Variants in CNTNAP5 observed in about 807,000 individuals in gnomAD.
CNTNAP5 encodes the protein contactin associated protein family member 5, also known as contactin-associated protein-like 5.
CNTNAP5 carries 72 observed loss-of-function variants against 150.2 expected under a neutral mutation model. That is an observed-to-expected ratio of 0.48 (90% CI 0.40 to 0.58). CNTNAP5 has a LOEUF of 0.58. Among genes scored for constraint, CNTNAP5 ranks in the 20% least tolerant of loss-of-function variants. CNTNAP5 has a pLI of 0.00. For synonymous variants in CNTNAP5, 672 were observed against 619.8 expected, an observed-to-expected ratio of 1.08 and a Z score of -1.25; for missense variants, 1,636 against 1,626.2, an observed-to-expected ratio of 1.01 and a Z score of -0.10.
At chr2:124,664,831 C>A (rs566244115) in intron 13 of CNTNAP5, among the ~76,000 whole-genome samples, 1 of 152,188 alleles carries the variant, frequency 6.6e-6, no homozygotes, top group Non-Finnish European at 1.5e-5. Context: ...GGATTACAGG[C>A]ATGTGCCACC....
intron 12 of CNTNAP5, among the ~76,000 whole-genome samples, chr2:124,646,076 AATATCCAAACC>A (rs565337427): frequency 3.1e-4 from 47 of 152,360 alleles, no homozygotes; most frequent in African/African-American, 1.1e-3. Context: ...GGCAGGGACA[AATATCCAAACC>A]ATATCATGCT....
chr2:124,849,520 CTTT>C (rs1683113586), intron 19 of CNTNAP5, among the ~76,000 whole-genome samples: 1 of 152,056 alleles, frequency 6.6e-6, no homozygotes, highest in Admixed American at 6.6e-5. Context: ...TATTTGGGAT[CTTT>C]TTTGATTCCA....
intron 19 of CNTNAP5, among the ~76,000 whole-genome samples, chr2:124,830,620 C>CAGGAAATTTAGT (rs1682694396): frequency 6.6e-6 from 1 of 151,858 alleles, no homozygotes; most frequent in Non-Finnish European, 1.5e-5. Flanking sequence ...CTTTTAGTAA[C>CAGGAAATTTAGT]AATATAGGAA....
At chr2:124,837,038 G>A (rs1682844057) in intron 19 of CNTNAP5, among the ~76,000 whole-genome samples, 1 of 151,988 alleles carries the variant, frequency 6.6e-6, no homozygotes, top group South Asian at 2.1e-4. Flanking sequence ...CCTGTGAGAG[G>A]GGATCGTGAA....
rs144715473 is a variant in CNTNAP5 at position 124,656,108 on chromosome 2, G to A, written c.2077+8150G>A. ...GTCACTGCCACTAGCCCACATTCCA[G>A]GGGAGGGAAATCTGCTTCTATCTTC... is the stretch of plus-strand genomic sequence containing the variant. On this transcript the variant is annotated intron_variant, in intron 13 of 23. Coordinates refer to ENST00000682447, the MANE Select transcript of CNTNAP5 (RefSeq NM_001367498.1). Among the ~76,000 whole-genome samples the A allele has an allele frequency of 2.0e-4, 30 of 150,786 alleles. No individual in the cohort carries two copies. The East Asian group carries it at 5.3e-3, about 27-fold the overall frequency.
chr2:124,771,317 C>T (rs1681186639), intron 16 of CNTNAP5, among the ~76,000 whole-genome samples: 1 of 152,116 alleles, frequency 6.6e-6, no homozygotes, highest in African/African-American at 2.4e-5. Context: ...TCCTCATCCT[C>T]AATTTGTAAA....
At chr2:124,452,015 A>G (rs1237090032) in intron 6 of CNTNAP5, among the ~76,000 whole-genome samples, 1 of 152,058 alleles carries the variant, frequency 6.6e-6, no homozygotes, top group African/African-American at 2.4e-5. Context: ...CTTCGTAACA[A>G]TTTGAACCCA....
At chr2:124,076,868 G>T (rs1348440215) in intron 1 of CNTNAP5, among the ~76,000 whole-genome samples, 1 of 151,960 alleles carries the variant, frequency 6.6e-6, no homozygotes, top group Non-Finnish European at 1.5e-5. Context: ...TAATATAAAA[G>T]CAATCAGCCC....
chr2:124,166,309 TA>T (rs1410346331), intron 1 of CNTNAP5, among the ~76,000 whole-genome samples: 1 of 152,198 alleles, frequency 6.6e-6, no homozygotes, highest in Non-Finnish European at 1.5e-5. Context: ...TGGGAGATTT[TA>T]TAATAATAAT....
intron 2 of CNTNAP5, among the ~76,000 whole-genome samples, chr2:124,234,440 A>C (rs571423674): frequency 1.2e-4 from 18 of 152,354 alleles, no homozygotes; most frequent in African/African-American, 3.8e-4. Flanking sequence ...GTGACTAAGA[A>C]ATTCAATTTT....
At chr2:124,258,505 T>G (rs1687369453) in intron 3 of CNTNAP5, among the ~76,000 whole-genome samples, 1 of 152,160 alleles carries the variant, frequency 6.6e-6, no homozygotes, top group Non-Finnish European at 1.5e-5. Context: ...CCAATGGGTG[T>G]CTCAGACATA....
chr2:124,616,846 T>A (rs2104991671), intron 12 of CNTNAP5, among the ~76,000 whole-genome samples: 1 of 152,240 alleles, frequency 6.6e-6, no homozygotes, highest in Admixed American at 6.5e-5. Flanking sequence ...ACAGAAATCA[T>A]TGGCCAGTAG....
intron 13 of CNTNAP5, among the ~76,000 whole-genome samples, chr2:124,708,689 T>C (rs1679745070): frequency 6.6e-6 from 1 of 152,170 alleles, no homozygotes; most frequent in South Asian, 2.1e-4. Context: ...AAGAGTTTCC[T>C]TGCTACTACC....
chr2:124,768,307 G>GTGTGTGTGTA (rs761983407), intron 16 of CNTNAP5, among the ~76,000 whole-genome samples: 7,875 of 144,546 alleles, frequency 0.054, 343 homozygotes, highest in Middle Eastern at 0.063. Flanking sequence ...GTGTGTGTGT[G>GTGTGTGTGTA]TGTATATGTA....
rs144357068 is a variant in CNTNAP5, at chr2:124,899,321, T to C, written c.3437-3561T>C. ...TGAAGAAACATGGAAACAGATATCA[T>C]ATGGGCAAGTTCATGATTCATCAAC... On this transcript the variant is annotated intron_variant, in intron 21 of 23. Transcript: ENST00000682447. 7.3e-5 allele frequency among the ~76,000 whole-genome samples: 11 copies of C among 151,602 alleles called. No individual in the cohort carries two copies. The East Asian group carries it at 2.1e-3, about 29-fold the overall frequency.
intron 1 of CNTNAP5, among the ~76,000 whole-genome samples, chr2:124,034,441 G>T (rs1484893686): frequency 1.3e-5 from 2 of 152,150 alleles, no homozygotes; most frequent in East Asian, 3.9e-4. Flanking sequence ...ATACAAATTT[G>T]TTCTCATTTT....
chr2:124,754,665 G>A (rs1680799766), intron 14 of CNTNAP5, among the ~76,000 whole-genome samples: 3 of 152,048 alleles, frequency 2.0e-5, no homozygotes, highest in African/African-American at 7.2e-5. Context: ...TTATGCTAAT[G>A]TTCCCATGAC....
At chr2:124,528,821 A>T (rs1320578148) in intron 10 of CNTNAP5, among the ~76,000 whole-genome samples, 1 of 152,104 alleles carries the variant, frequency 6.6e-6, no homozygotes, top group African/African-American at 2.4e-5. Flanking sequence ...AGAAAGGTGG[A>T]TTGGAAGAGA....
rs747665908 is a variant in CNTNAP5 at position 124,504,374 on chromosome 2, C to T, written c.1145C>T (p.Pro382Leu). 9.3e-6 allele frequency: 15 copies of T among 1,613,794 alleles called. No homozygotes were observed. The highest frequency in any genetic ancestry group is 1.7e-5 in the Admixed American group (1 of 59,982). Reference sequence around the variant, plus strand: ...TCCAGCGGCAGCTATTTGCTGCTGCCCGGCACCCCCCAAATTGATGGGCTC... The same window carrying T: ...TCCAGCGGCAGCTATTTGCTGCTGCTCGGCACCCCCCAAATTGATGGGCTC... ...VNSSGSYLLL[P>L]GTPQIDGLSV... Residue 382 changes from proline to leucine, a missense_variant, in exon 8 of 24, where the codon CCC becomes CTC. Coordinates refer to ENST00000682447, the MANE Select transcript of CNTNAP5 (RefSeq NM_001367498.1).
Sources: allele counts gnomAD v4.1 joint callset (sites outside exome capture counted in the v4.1 genomes callset), GRCh38; gene constraint gnomAD v4.1.1; transcripts MANE v1.5; gene names NCBI Gene and HGNC (gene_info 2026-07-23, HGNC 2026-07-21).